TBC1D5: variants seen among roughly 807,000 people sequenced by gnomAD.
TBC1D5 encodes the protein TBC1 domain family member 5, also known as TBC1 domain family, member 5.
Under a neutral mutation model 100.3 loss-of-function variants are expected in TBC1D5, and 75 were observed. The ratio of observed to expected loss-of-function variants is 0.75; its 90% CI spans 0.62 to 0.91. TBC1D5 has a LOEUF of 0.91. Among genes scored for constraint, TBC1D5 ranks in the 40% least tolerant of loss-of-function variants. The probability of loss-of-function intolerance (pLI) is 0.00; values close to 1 mark genes in which losing one functional copy is unlikely to be tolerated. For synonymous variants in TBC1D5, 323 were observed against 325.6 expected (o/e 0.99, Z 0.09); for missense variants, 910 against 942.4 (o/e 0.97, Z 0.45).
chr3:17,554,694 G>C (rs1292087481), intron 2 of TBC1D5, among the ~76,000 whole-genome samples: 2 of 152,032 alleles, frequency 1.3e-5, no homozygotes, highest in African/African-American at 4.8e-5. Context: ...AATGGGATTT[G>C]GCCTGGATCC....
At chr3:17,480,239 G>A (rs930935061) in intron 3 of TBC1D5, among the ~76,000 whole-genome samples, 3 of 124,854 alleles carry the variant, frequency 2.4e-5, no homozygotes, top group Non-Finnish European at 5.0e-5. Context: ...GTGCCTGCAA[G>A]CACCCCTCAG....
chr3:17,186,256 G>C (rs1390318962), intron 18 of TBC1D5, among the ~76,000 whole-genome samples: 2 of 152,052 alleles, frequency 1.3e-5, no homozygotes, highest in South Asian at 4.1e-4. Flanking sequence ...TTGAGAATGA[G>C]TATAATTTGA....
intron 4 of TBC1D5, among the ~76,000 whole-genome samples, chr3:17,420,757 G>C (rs73040844): frequency 0.028 from 4,248 of 152,202 alleles, 103 homozygotes; most frequent in Non-Finnish European, 0.05. Flanking sequence ...ATTTCAACTG[G>C]GAACACCAGC....
chr3:17,636,067 C>T (rs987857426), intron 1 of TBC1D5, among the ~76,000 whole-genome samples: 6 of 151,838 alleles, frequency 4.0e-5, no homozygotes, highest in African/African-American at 1.2e-4. Context: ...GTGGTGGGCA[C>T]CTGTAATCCC....
At chr3:17,259,581 T>C (rs199509025) in intron 15 of TBC1D5, among the ~76,000 whole-genome samples, 1 of 152,150 alleles carries the variant, frequency 6.6e-6, no homozygotes, top group Non-Finnish European at 1.5e-5. Context: ...AACCAAGGCA[T>C]GCACTTCCTT....
rs143046378 is a variant in TBC1D5 at position 17,628,590 on chromosome 3, C to A, written c.-100-4677G>T. ...TAGAAAAACGTTTTCCAGAGTGTAA[C>A]TATCTGAAGAACCCTGGGAACGGTT... On this transcript the variant is annotated intron_variant, in intron 1 of 21. Coordinates refer to ENST00000253692, the Ensembl canonical transcript of TBC1D5. 1.6e-4 allele frequency among the ~76,000 whole-genome samples: 25 copies of A among 152,216 alleles called. No individual in the cohort carries two copies. In the East Asian group the frequency reaches 4.6e-3, roughly 28 times the overall value.
rs565050920 is a variant in TBC1D5, at chr3:17,535,439, T to C, written c.-35-26834A>G. Among the ~76,000 whole-genome samples the C allele has an allele frequency of 7.2e-5, 11 of 152,274 alleles. No homozygotes were observed. In the South Asian group the frequency reaches 2.3e-3, roughly 32 times the overall value. On this transcript the variant is annotated intron_variant, in intron 2 of 21. Transcript: ENST00000253692. ...ACAATACAATTGCTGAAAAATTCAA[T>C]GTTCCCTTGCATGGGAAATCTTGTG...
chr3:17,284,000 T>C (rs941129462), intron 15 of TBC1D5, among the ~76,000 whole-genome samples: 1 of 151,872 alleles, frequency 6.6e-6, no homozygotes, highest in Non-Finnish European at 1.5e-5. Flanking sequence ...AGCTGCCACC[T>C]GAAATGGCAC....
At chr3:17,474,308 T>C (rs1350648726) in intron 3 of TBC1D5, among the ~76,000 whole-genome samples, 2 of 152,176 alleles carry the variant, frequency 1.3e-5, no homozygotes, top group African/African-American at 4.8e-5. Context: ...TTAACTGAGA[T>C]AAACGAGCTT....
At chr3:17,256,018 A>G (rs182877848) in intron 16 of TBC1D5, among the ~76,000 whole-genome samples, 3 of 152,364 alleles carry the variant, frequency 2.0e-5, no homozygotes, top group African/African-American at 7.2e-5. Flanking sequence ...CCTGGGCGAC[A>G]AAGCGAGACT....
At chr3:17,201,822 T>C (rs557652253) in intron 18 of TBC1D5, among the ~76,000 whole-genome samples, 218 of 152,330 alleles carry the variant, frequency 1.4e-3, no homozygotes, top group African/African-American at 5.1e-3. Context: ...CTGTACAGCA[T>C]CTGGAACTTT....
chr3:17,395,352 C>A (rs1035827451), intron 8 of TBC1D5, among the ~76,000 whole-genome samples: 2 of 151,906 alleles, frequency 1.3e-5, no homozygotes, highest in African/African-American at 4.8e-5. Flanking sequence ...ACTTTCAGTG[C>A]CAGACGAGAC....
chr3:17,463,682 A>C (rs1020808248), intron 3 of TBC1D5, among the ~76,000 whole-genome samples: 2 of 152,344 alleles, frequency 1.3e-5, no homozygotes, highest in African/African-American at 4.8e-5. Flanking sequence ...TTGCCATATC[A>C]GGCCACATTG....
At chr3:17,269,838 T>C (rs2079211003) in intron 15 of TBC1D5, among the ~76,000 whole-genome samples, 1 of 152,210 alleles carries the variant, frequency 6.6e-6, no homozygotes, top group Non-Finnish European at 1.5e-5. Context: ...TTCCTTTTTA[T>C]GGCTGTGTAG....
At chr3:17,422,168 A>AT (rs921095772) in intron 4 of TBC1D5, among the ~76,000 whole-genome samples, 88 of 151,410 alleles carry the variant, frequency 5.8e-4, no homozygotes, top group African/African-American at 2.0e-3. Flanking sequence ...GGTTTTTGGG[A>AT]TTTTTTTGTT....
At chr3:17,387,641 T>C (rs908997633) in intron 8 of TBC1D5, among the ~76,000 whole-genome samples, 5 of 151,824 alleles carry the variant, frequency 3.3e-5, no homozygotes, top group African/African-American at 1.2e-4. Flanking sequence ...CTACCACTCA[T>C]TACACTTCTA....
chr3:17,334,181 A>C (rs1475873953), intron 13 of TBC1D5, among the ~76,000 whole-genome samples: 1 of 152,030 alleles, frequency 6.6e-6, no homozygotes. Context: ...GAGAGTGAGT[A>C]GCTTGAGGTA....
intron 8 of TBC1D5, among the ~76,000 whole-genome samples, chr3:17,398,903 A>G (rs558095581): frequency 1.3e-5 from 2 of 152,268 alleles, no homozygotes; most frequent in South Asian, 2.1e-4. Context: ...ATTAAATAAT[A>G]TTAAAAAGTT....
At chr3:17,217,425 C>G (rs910791482) in intron 17 of TBC1D5, among the ~76,000 whole-genome samples, 1 of 152,082 alleles carries the variant, frequency 6.6e-6, no homozygotes, top group Non-Finnish European at 1.5e-5. Context: ...TATGGCAACT[C>G]TGCATTTAAC....
Sources: gnomAD v4.1 joint callset for allele counts (sites outside exome capture counted in the v4.1 genomes callset) on GRCh38, gnomAD v4.1.1 for gene constraint, MANE v1.5 for transcripts, NCBI Gene and HGNC (gene_info 2026-07-23, HGNC 2026-07-21) for gene names.